ILKAP: variants seen among roughly 807,000 people sequenced by gnomAD.
ILKAP encodes ILK associated serine/threonine phosphatase.
ILKAP carries 11 observed loss-of-function variants against 49.1 expected under a neutral mutation model. That is an observed-to-expected ratio of 0.22 (90% CI 0.14 to 0.37). ILKAP has a LOEUF of 0.37. ILKAP is among the 10% of genes least tolerant of loss of function. ILKAP has a pLI of 1.00. For synonymous variants in ILKAP, 186 were observed against 192.8 expected (o/e 0.96, Z 0.29); for missense variants, 363 against 510.8 (o/e 0.71, Z 2.79).
At chr2:238,173,679 G>C in intron 9 of ILKAP, 26 bp from the exon 10 acceptor site, 1 of 1,608,582 alleles carries the variant, frequency 6.2e-7, no homozygotes, top group Non-Finnish European at 8.5e-7. Context: ...AAACATTTCA[G>C]ACTCTACCTG....
intron 11 of ILKAP, 107 bp downstream of exon 11, chr2:238,170,836 C>T (rs750823529): frequency 6.9e-7 from 1 of 1,441,350 alleles, no homozygotes; most frequent in Middle Eastern, 1.7e-4. Flanking sequence ...TGAAAAAGGG[C>T]ACAAGGGCTG....
intron 10 of ILKAP, 79 bp downstream of exon 10, chr2:238,173,455 G>T: frequency 6.4e-7 from 1 of 1,559,534 alleles, no homozygotes; most frequent in South Asian, 1.1e-5. Flanking sequence ...CTCCAACAAA[G>T]GCTTGATAGA....
intron 4 of ILKAP, among the ~76,000 whole-genome samples, chr2:238,189,153 C>A (rs1032086033): frequency 6.6e-6 from 1 of 152,190 alleles, no homozygotes; most frequent in Admixed American, 6.5e-5. Flanking sequence ...CCCGTCTCTA[C>A]TAAAAATACA....
chr2:238,178,944 C>T (rs143138867), intron 9 of ILKAP, among the ~76,000 whole-genome samples: 146 of 152,312 alleles, frequency 9.6e-4, no homozygotes, highest in African/African-American at 3.2e-3. Flanking sequence ...TGTGCCACCC[C>T]ACCTGGCTAA....
chr2:238,185,426 G>GT, intron 5 of ILKAP, 139 bp from the exon 6 acceptor site: 1 of 554,574 alleles, frequency 1.8e-6, no homozygotes, highest in East Asian at 2.9e-5. Flanking sequence ...CAGTCACACT[G>GT]TTACAAATGG....
chr2:238,182,174 G>T lies in ILKAP; in HGVS notation c.727C>A (p.Arg243Ser). The stretch of plus-strand genomic sequence containing the variant: ...TGTTTTTGACTCTCCTCATTATAAC[G>T]ACACAAGATTGCCTGGGAAGATGGA... Reference protein sequence around the residue: ...NLGDSRAILCRYNEESQKHAA... With the variant: ...NLGDSRAILCSYNEESQKHAA... The change falls in exon 9 of 12, where the codon CGT becomes AGT. Residue 243 changes from arginine (R) to serine (S), a missense_variant. Coordinates refer to ENST00000254654, the MANE Select transcript of ILKAP (RefSeq NM_030768.3). 1.2e-6 allele frequency: 2 copies of T among 1,613,232 alleles called. No homozygotes were observed. The highest frequency in any genetic ancestry group is 2.2e-5 in the South Asian group (2 of 91,014).
intron 3 of ILKAP, among the ~76,000 whole-genome samples, chr2:238,191,882 G>A (rs1694139535): frequency 6.7e-6 from 1 of 149,738 alleles, no homozygotes; most frequent in Non-Finnish European, 1.5e-5. Context: ...TCCAGCCTAG[G>A]CAACAGAGCA....
chr2:238,190,033 G>T, intron 3 of ILKAP, 61 bp from the exon 4 acceptor site: 1 of 1,576,684 alleles, frequency 6.3e-7, no homozygotes, highest in East Asian at 2.3e-5. Context: ...AAAGTCACTA[G>T]TAGACTGGGC....
At position 238,170,946 on chromosome 2, in the gene ILKAP, G is replaced by A. The variant is rs372551657; in HGVS notation, c.1035C>T (p.Leu345=). 47 of 1,613,620 alleles carry A rather than the reference G, an allele frequency of 2.9e-5. No homozygotes were observed. Among genetic ancestry groups the A allele is most frequent in the African/African-American group, 2.1e-4 (16 of 75,012 alleles). The change falls in exon 11 of 12, where the codon CTC becomes CTT. Residue 345 remains leucine (L), a synonymous_variant. Transcript: ENST00000254654. ...EEAVNFILSC[L]EDEKIQTREG... Reference sequence around the variant, plus strand: ...ACCCCCGTGTGAGATTTCTCACCTCGAGACAGGACAAGATGAAGTTCACGG... The same window carrying A: ...ACCCCCGTGTGAGATTTCTCACCTCAAGACAGGACAAGATGAAGTTCACGG...
At position 238,183,734 on chromosome 2, in the gene ILKAP, A is replaced by G. The variant is rs137946691; in HGVS notation, c.633T>C (p.Pro211=). Reference sequence around the variant, plus strand: ...TGGCAGTGGACCCATCTTTCCAGGCAGGCTTCCTGGGGGGAAACACATCAG... The same window carrying G: ...TGGCAGTGGACCCATCTTTCCAGGCGGGCTTCCTGGGGGGAAACACATCAG... ...EFLKQASSQK[P]AWKDGSTATC... The change falls in exon 8 of 12, where the codon CCT becomes CCC. Residue 211 remains proline, a synonymous_variant. Coordinates refer to ENST00000254654, the MANE Select transcript of ILKAP (RefSeq NM_030768.3). The G allele has an allele frequency of 3.2e-5, 52 of 1,611,918 alleles. No homozygotes were observed. In the African/African-American group the frequency reaches 6.5e-4, roughly 20 times the overall value.
At chr2:238,181,305 G>C (rs1189553819) in intron 9 of ILKAP, among the ~76,000 whole-genome samples, 5 of 152,162 alleles carry the variant, frequency 3.3e-5, no homozygotes, top group Non-Finnish European at 7.4e-5. Context: ...CAACAAACCA[G>C]AAAATACTCC....
intron 10 of ILKAP, 100 bp downstream of exon 10, chr2:238,173,434 G>A (rs1693313589): frequency 2.0e-6 from 3 of 1,484,440 alleles, no homozygotes; most frequent in Non-Finnish European, 1.8e-6. Context: ...CTAGCACCAT[G>A]CACACCTTCC....
intron 1 of ILKAP, among the ~76,000 whole-genome samples, chr2:238,197,473 G>T (rs1166709008): frequency 6.6e-6 from 1 of 152,122 alleles, no homozygotes; most frequent in Non-Finnish European, 1.5e-5. Flanking sequence ...CTTGTACCAG[G>T]TCATATTTTA....
At chr2:238,202,253 A>G (rs1337208792) in intron 1 of ILKAP, among the ~76,000 whole-genome samples, 3 of 152,218 alleles carry the variant, frequency 2.0e-5, no homozygotes, top group African/African-American at 7.2e-5. Context: ...TTTCTCGCCC[A>G]GAATTACTGC....
intron 9 of ILKAP, among the ~76,000 whole-genome samples, chr2:238,176,044 A>G (rs1159774772): frequency 6.6e-6 from 1 of 151,972 alleles, no homozygotes; most frequent in Non-Finnish European, 1.5e-5. Context: ...CCAGTTTTCA[A>G]AGTTCAAACA....
chr2:238,171,166 T>C, intron 10 of ILKAP, 142 bp from the exon 11 acceptor site: 1 of 608,670 alleles, frequency 1.6e-6, no homozygotes, highest in Non-Finnish European at 2.8e-6. Context: ...TTTTCTTTTT[T>C]TTTTTTTTTT....
chr2:238,172,122 G>A (rs939446588), intron 10 of ILKAP, among the ~76,000 whole-genome samples: 10 of 151,994 alleles, frequency 6.6e-5, no homozygotes, highest in Non-Finnish European at 1.2e-4. Flanking sequence ...GCATGATCTC[G>A]CTCACTGTAA....
At chr2:238,178,341 C>G (rs1210872203) in intron 9 of ILKAP, among the ~76,000 whole-genome samples, 1 of 152,188 alleles carries the variant, frequency 6.6e-6, no homozygotes, top group Admixed American at 6.5e-5. Flanking sequence ...ACCACCAGAA[C>G]TGGCTCCATG....
At chr2:238,191,091 A>T (rs1168727095) in intron 3 of ILKAP, among the ~76,000 whole-genome samples, 1 of 151,606 alleles carries the variant, frequency 6.6e-6, no homozygotes, top group Non-Finnish European at 1.5e-5. Context: ...AGCAGCTGGG[A>T]CTGAAAGCAG....
Sources: gnomAD v4.1 joint callset for allele counts (sites outside exome capture counted in the v4.1 genomes callset) on GRCh38, gnomAD v4.1.1 for gene constraint, MANE v1.5 for transcripts, NCBI Gene and HGNC (gene_info 2026-07-23, HGNC 2026-07-21) for gene names.